Variants in RBFOX1 observed in about 807,000 individuals in gnomAD.
The protein encoded by RBFOX1 is RNA binding fox-1 homolog 1.
RBFOX1 carries 8 observed loss-of-function variants against 57.7 expected under a neutral mutation model. That is an observed-to-expected ratio of 0.14 (90% CI 0.08 to 0.25). RBFOX1 has a LOEUF of 0.25. Ranked by LOEUF, RBFOX1 falls within the 10% of genes least tolerant of loss-of-function variation. RBFOX1 has a pLI of 1.00. For synonymous variants in RBFOX1, 326 were observed against 222.4 expected (o/e 1.47, Z -4.15); for missense variants, 611 against 548.5 (o/e 1.11, Z -1.14).
At chr16:6,620,752 A>T (rs927308708) in intron 2 of RBFOX1, among the ~76,000 whole-genome samples, 1 of 152,198 alleles carries the variant, frequency 6.6e-6, no homozygotes, top group African/African-American at 2.4e-5. Context: ...GAAACTCTGA[A>T]AGAAATGGAT....
chr16:7,518,563 T>C (rs2076879853), intron 5 of RBFOX1, among the ~76,000 whole-genome samples, 174 bp downstream of exon 5: 1 of 152,234 alleles, frequency 6.6e-6, no homozygotes, highest in South Asian at 2.1e-4. Context: ...ATGCATTCAT[T>C]CTTAGCGTTC....
rs1027780870 is a variant in RBFOX1 at position 5,733,526 on chromosome 16, C to T, written c.319-133777C>T. Among the ~76,000 whole-genome samples, 8 of 152,130 alleles carry T rather than the reference C, an allele frequency of 5.3e-5. No homozygotes were observed. In the South Asian group the frequency reaches 6.2e-4, roughly 12 times the overall value. On this transcript the variant is annotated intron_variant, in intron 3 of 19. Coordinates refer to the RBFOX1 transcript ENST00000641259. ...CCGGGGTGGTCATGCCTGATATTTA[C>T]GTGACCTTGGCCAGGTCAGCTGGGC...
chr16:7,038,603 C>G (rs2045229815), intron 3 of RBFOX1, among the ~76,000 whole-genome samples: 1 of 152,164 alleles, frequency 6.6e-6, no homozygotes, highest in Admixed American at 6.5e-5. Context: ...ACCAGCCAGG[C>G]TCTTCATGGC....
intron 4 of RBFOX1, among the ~76,000 whole-genome samples, chr16:7,160,787 C>T (rs933580772): frequency 1.4e-5 from 2 of 145,344 alleles, no homozygotes; most frequent in African/African-American, 5.2e-5. Context: ...CCTTTTTTCT[C>T]CCTCCTCCGT....
intron 3 of RBFOX1, among the ~76,000 whole-genome samples, chr16:6,885,913 T>C (rs2063909644): frequency 6.6e-6 from 1 of 152,228 alleles, no homozygotes; most frequent in South Asian, 2.1e-4. Flanking sequence ...GAACGTTGAC[T>C]TTATTAACCC....
At chr16:7,019,382 G>C (rs1402969693) in intron 3 of RBFOX1, among the ~76,000 whole-genome samples, 3 of 152,110 alleles carry the variant, frequency 2.0e-5, no homozygotes, top group African/African-American at 7.2e-5. Flanking sequence ...TGGACTTCAT[G>C]AAAGTATGTG....
intron 1 of RBFOX1, among the ~76,000 whole-genome samples, chr16:5,315,319 C>T (rs920485120): frequency 3.9e-5 from 6 of 152,112 alleles, no homozygotes; most frequent in African/African-American, 1.4e-4. Context: ...TGTTTAATTC[C>T]ACTATTATTG....
intron 2 of RBFOX1, among the ~76,000 whole-genome samples, chr16:5,573,741 G>A (rs1245895546): frequency 6.6e-6 from 1 of 152,124 alleles, no homozygotes; most frequent in Non-Finnish European, 1.5e-5. Context: ...GTGGGAGGAT[G>A]GCTGGAGCCC....
intron 2 of RBFOX1, among the ~76,000 whole-genome samples, chr16:5,498,997 C>A (rs1278889345): frequency 3.3e-5 from 5 of 152,162 alleles, no homozygotes; most frequent in African/African-American, 9.7e-5. Flanking sequence ...AGAACCCCAG[C>A]CTCTAGGAAT....
intron 1 of RBFOX1, among the ~76,000 whole-genome samples, chr16:5,242,698 G>C (rs1267175859): frequency 2.0e-5 from 3 of 152,092 alleles, no homozygotes; most frequent in Non-Finnish European, 4.4e-5. Flanking sequence ...TTCTTTAATA[G>C]CAGATTATTT....
chr16:6,859,129 A>ATGTATATATATATATATG, intron 3 of RBFOX1, among the ~76,000 whole-genome samples: 1 of 75,674 alleles, frequency 1.3e-5, no homozygotes, highest in East Asian at 4.8e-4. Flanking sequence ...ATATATATAT[A>ATGTATATATATATATATG]CATATATATA....
chr16:6,426,564 G>A (rs767948798), intron 2 of RBFOX1, among the ~76,000 whole-genome samples: 51 of 152,182 alleles, frequency 3.4e-4, no homozygotes, highest in South Asian at 1.7e-3. Context: ...CCAGGAGGCC[G>A]AGGCTGCAGT....
intron 1 of RBFOX1, among the ~76,000 whole-genome samples, chr16:6,027,837 A>G (rs1014203801): frequency 6.6e-6 from 1 of 152,202 alleles, no homozygotes; most frequent in Non-Finnish European, 1.5e-5. Flanking sequence ...AAGGGGGAAG[A>G]ACCCAGCGTA....
chr16:5,979,154 C>T (rs559160058), intron 4 of RBFOX1, among the ~76,000 whole-genome samples: 1 of 152,304 alleles, frequency 6.6e-6, no homozygotes, highest in Non-Finnish European at 1.5e-5. Context: ...AGTTAAAACT[C>T]CCTTACCTGT....
intron 4 of RBFOX1, among the ~76,000 whole-genome samples, chr16:7,441,194 G>T (rs2098763476): frequency 6.6e-6 from 1 of 152,144 alleles, no homozygotes; most frequent in Non-Finnish European, 1.5e-5. Flanking sequence ...GGAAATTAAT[G>T]CTGCATGCGC....
chr16:6,563,597 A>G (rs188434000), intron 2 of RBFOX1, among the ~76,000 whole-genome samples: 1 of 152,130 alleles, frequency 6.6e-6, no homozygotes, highest in Non-Finnish European at 1.5e-5. Context: ...TACTTCCAGC[A>G]CTTTGCGAGG....
intron 1 of RBFOX1, among the ~76,000 whole-genome samples, chr16:6,052,358 T>G (rs894200145): frequency 3.9e-5 from 6 of 152,210 alleles, no homozygotes; most frequent in South Asian, 2.1e-4. Flanking sequence ...CAGATGATTC[T>G]TTTTTGTGAT....
chr16:7,709,707 G>C (rs1175022736), intron 15 of RBFOX1: 1 of 1,075,140 alleles, frequency 9.3e-7, no homozygotes, highest in African/African-American at 1.8e-5. Context: ...TGGGTTTGGG[G>C]GTTGCCTTTT....
chr16:5,287,096 G>C (rs982568202), intron 1 of RBFOX1, among the ~76,000 whole-genome samples: 1 of 152,214 alleles, frequency 6.6e-6, no homozygotes, highest in African/African-American at 2.4e-5. Flanking sequence ...CTTGAGGCCA[G>C]GAGTTTGAAA....
Sources: gnomAD v4.1 joint callset for allele counts (sites outside exome capture counted in the v4.1 genomes callset) on GRCh38, gnomAD v4.1.1 for gene constraint, MANE v1.5 for transcripts, NCBI Gene and HGNC (gene_info 2026-07-23, HGNC 2026-07-21) for gene names.